CSGALNACT1: variants seen among roughly 807,000 people sequenced by gnomAD.
CSGALNACT1 encodes chondroitin sulfate N-acetylgalactosaminyltransferase 1, also known as beta4GalNAcT-1.
Under a neutral mutation model 51.0 loss-of-function variants are expected in CSGALNACT1, and 52 were observed. The ratio of observed to expected loss-of-function variants is 1.02; its 90% CI spans 0.82 to 1.29. The LOEUF (loss-of-function observed/expected upper bound fraction) is 1.29, where lower values mean the gene tolerates loss of function less well. Ranked by LOEUF, CSGALNACT1 falls within the 50% of genes most tolerant of loss-of-function variation. The pLI, the probability that CSGALNACT1 is intolerant of heterozygous loss-of-function variation, is 0.00. For synonymous variants in CSGALNACT1, 341 were observed against 254.4 expected, an observed-to-expected ratio of 1.34 and a Z score of -3.24; for missense variants, 935 against 679.2, an observed-to-expected ratio of 1.38 and a Z score of -4.19.
At chr8:19,588,208 C>G (rs1460082794) in intron 3 of CSGALNACT1, among the ~76,000 whole-genome samples, 1 of 146,632 alleles carries the variant, frequency 6.8e-6, no homozygotes, top group African/African-American at 2.5e-5. Flanking sequence ...ATCCCCTCAG[C>G]AAAAAAAAGA....
intron 1 of CSGALNACT1, among the ~76,000 whole-genome samples, chr8:19,680,722 G>A (rs1421240072): frequency 6.6e-6 from 1 of 152,086 alleles, no homozygotes; most frequent in Non-Finnish European, 1.5e-5. Context: ...AGGTCTGAGA[G>A]ATCTATCATT....
intron 1 of CSGALNACT1, among the ~76,000 whole-genome samples, chr8:19,663,020 T>G (rs59689479): frequency 0.071 from 10,805 of 152,218 alleles, 894 homozygotes; most frequent in African/African-American, 0.2. Context: ...GTGCTACAAA[T>G]GCCTGGAAGG....
intron 4 of CSGALNACT1, among the ~76,000 whole-genome samples, chr8:19,493,021 T>C (rs1409198025): frequency 6.7e-6 from 1 of 149,512 alleles, no homozygotes; most frequent in Non-Finnish European, 1.5e-5. Flanking sequence ...AGAATCGACA[T>C]CAATAAATTC....
intron 2 of CSGALNACT1, among the ~76,000 whole-genome samples, chr8:19,599,536 AAAG>A (rs1246539702): frequency 1.7e-4 from 26 of 150,378 alleles, no homozygotes; most frequent in African/African-American, 6.1e-4. Context: ...AAAGAAAGAA[AAAG>A]AAGGAAAGAA....
chr8:19,598,968 T>A (rs116823624), intron 2 of CSGALNACT1, among the ~76,000 whole-genome samples: 2,063 of 152,200 alleles, frequency 0.014, 59 homozygotes, highest in African/African-American at 0.047. Context: ...CACACTACCA[T>A]TGAGGTGAGG....
At chr8:19,667,182 A>C (rs1190578869) in intron 1 of CSGALNACT1, among the ~76,000 whole-genome samples, 1 of 151,030 alleles carries the variant, frequency 6.6e-6, no homozygotes, top group African/African-American at 2.4e-5. Context: ...GCAAGTTGTG[A>C]GGCAGAAGTG....
intron 3 of CSGALNACT1, among the ~76,000 whole-genome samples, chr8:19,542,693 C>T (rs1276261098): frequency 2.0e-5 from 3 of 152,154 alleles, no homozygotes; most frequent in Non-Finnish European, 4.4e-5. Flanking sequence ...CCAGCCATCT[C>T]TTCATTATCT....
chr8:19,475,251 A>G (rs1429248053), intron 4 of CSGALNACT1, among the ~76,000 whole-genome samples: 1 of 152,170 alleles, frequency 6.6e-6, no homozygotes, highest in African/African-American at 2.4e-5. Context: ...AAGTCTGGGA[A>G]ATAGACCAGG....
intron 1 of CSGALNACT1, among the ~76,000 whole-genome samples, chr8:19,719,752 G>T (rs531599889): frequency 2.0e-5 from 3 of 151,408 alleles, no homozygotes; most frequent in African/African-American, 7.3e-5. Context: ...AATGCCAGCT[G>T]CCTACATTCA....
intron 3 of CSGALNACT1, among the ~76,000 whole-genome samples, chr8:19,514,679 G>C (rs921999425): frequency 2.7e-5 from 4 of 147,854 alleles, no homozygotes; most frequent in African/African-American, 7.5e-5. Flanking sequence ...AAATACAGAA[G>C]AGAATTAGCC....
chr8:19,713,130 AG>A (rs1407223884), intron 1 of CSGALNACT1, among the ~76,000 whole-genome samples: 1 of 152,168 alleles, frequency 6.6e-6, no homozygotes, highest in African/African-American at 2.4e-5. Flanking sequence ...CTGTACTGCA[AG>A]ATCCTAAATC....
rs546875651 is a variant in CSGALNACT1 at position 19,416,193 on chromosome 8, C to T, written c.1227+2463G>A. ...GCAGTGGCACGATCTCGGCTCACTGCAACCTCTGCCTCCCGGGTTTAAGTG... is the reference window on the plus strand; with the variant it reads ...GCAGTGGCACGATCTCGGCTCACTGTAACCTCTGCCTCCCGGGTTTAAGTG... On this transcript the variant is annotated intron_variant, in intron 8 of 9. Coordinates refer to ENST00000454498, the Ensembl canonical transcript of CSGALNACT1. 2.0e-5 allele frequency among the ~76,000 whole-genome samples: 3 copies of T among 148,464 alleles called. No homozygotes were observed. In the Admixed American group the frequency reaches 2.1e-4, roughly 10 times the overall value.
At chr8:19,505,249 C>T (rs564248500) in exon 4 of CSGALNACT1, 2 of 1,614,196 alleles carry the variant, frequency 1.2e-6, no homozygotes, top group South Asian at 1.1e-5. Flanking sequence ...GGGCTGTTCT[C>T]TGCAGGACTG....
At chr8:19,514,480 T>TATATATATATATATATATAC (rs1554651613) in intron 3 of CSGALNACT1, among the ~76,000 whole-genome samples, 26 of 75,944 alleles carry the variant, frequency 3.4e-4, no homozygotes, top group African/African-American at 1.4e-3. Flanking sequence ...AGAGACTATA[T>TATATATATATATATATATAC]ATATATATAT....
At chr8:19,566,225 G>A (rs756448241) in intron 3 of CSGALNACT1, among the ~76,000 whole-genome samples, 1 of 152,220 alleles carries the variant, frequency 6.6e-6, no homozygotes, top group Non-Finnish European at 1.5e-5. Context: ...GAGAGAGGCA[G>A]AGGGAGTTTT....
intron 6 of CSGALNACT1, among the ~76,000 whole-genome samples, 178 bp from the exon 6 acceptor site, chr8:19,420,696 G>A (rs1010259536): frequency 2.0e-5 from 3 of 152,180 alleles, no homozygotes; most frequent in Non-Finnish European, 4.4e-5. Context: ...CACTGGGATC[G>A]AAGGTACCAA....
intron 6 of CSGALNACT1, among the ~76,000 whole-genome samples, chr8:19,437,885 T>A (rs933355393): frequency 2.6e-5 from 4 of 152,192 alleles, no homozygotes; most frequent in Admixed American, 6.5e-5. Context: ...CTTAATCAGA[T>A]TCTATGCATT....
exon 4 of CSGALNACT1, chr8:19,505,884 G>T (rs772427895): frequency 6.2e-7 from 1 of 1,600,490 alleles, no homozygotes; most frequent in South Asian, 1.1e-5. Context: ...CAAAGCCGGG[G>T]CCCCCACGGA....
intron 2 of CSGALNACT1, among the ~76,000 whole-genome samples, chr8:19,595,710 A>G (rs2048739097): frequency 6.6e-6 from 1 of 152,102 alleles, no homozygotes; most frequent in African/African-American, 2.4e-5. Flanking sequence ...AAAAACAAAA[A>G]TTTAAGTAAC....
Sources: gnomAD v4.1 joint callset for allele counts (sites outside exome capture counted in the v4.1 genomes callset) on GRCh38, gnomAD v4.1.1 for gene constraint, MANE v1.5 for transcripts, NCBI Gene and HGNC (gene_info 2026-07-23, HGNC 2026-07-21) for gene names.